The following ZNF469 variants were observed in gnomAD, a reference collection of about 807,000 sequenced individuals.
ZNF469 encodes zinc finger protein 469.
Under a neutral mutation model 1.0 loss-of-function variants are expected in ZNF469, and 1 was observed. The observed-to-expected ratio is 1.00, with a 90% confidence interval of 0.35 to 4.73. The LOEUF is 4.73. ZNF469 is among the 30% of genes most tolerant of loss of function. The probability of loss-of-function intolerance (pLI) is 0.16; values close to 1 mark genes in which losing one functional copy is unlikely to be tolerated. For synonymous variants in ZNF469, 2,703 were observed against 2,363.4 expected (o/e 1.14, Z -4.17); for missense variants, 6,100 against 5,356.3 (o/e 1.14, Z -4.33).
chr16:88,258,393 C>A, the ZNF469 span, among the ~76,000 whole-genome samples: 1 of 152,038 alleles, frequency 6.6e-6, no homozygotes, highest in Non-Finnish European at 1.5e-5. Flanking sequence ...CAGCACAGCT[C>A]AGCAGAGCTG....
the ZNF469 span, among the ~76,000 whole-genome samples, chr16:88,164,302 G>A: frequency 6.6e-6 from 1 of 152,084 alleles, no homozygotes; most frequent in Non-Finnish European, 1.5e-5. Context: ...TGGATGGGTG[G>A]ATGGATGCAG....
At chr16:88,376,576 G>C in the ZNF469 span, among the ~76,000 whole-genome samples, 54 of 152,224 alleles carry the variant, frequency 3.5e-4, no homozygotes, top group Admixed American at 2.6e-3. Flanking sequence ...GCGGCCGGCC[G>C]GTCTCCACCG....
chr16:88,200,092 G>T, the ZNF469 span, among the ~76,000 whole-genome samples: 1 of 151,194 alleles, frequency 6.6e-6, no homozygotes. Flanking sequence ...CCGGGGGGAG[G>T]ATGACAGGTG....
chr16:88,104,755 C>G, the ZNF469 span, among the ~76,000 whole-genome samples: 676 of 152,352 alleles, frequency 4.4e-3, 3 homozygotes, highest in African/African-American at 0.015. Flanking sequence ...CTTCTGTGAT[C>G]CCGTTTTCTG....
At chr16:88,154,093 T>C in the ZNF469 span, among the ~76,000 whole-genome samples, 2 of 152,270 alleles carry the variant, frequency 1.3e-5, no homozygotes, top group Non-Finnish European at 2.9e-5. Context: ...GTCTCCATCA[T>C]GGTGTGTAAT....
the ZNF469 span, among the ~76,000 whole-genome samples, chr16:88,193,327 G>C: frequency 6.6e-6 from 1 of 150,944 alleles, no homozygotes; most frequent in East Asian, 1.9e-4. Flanking sequence ...GATGATGGTG[G>C]TGACGGTGGT....
the ZNF469 span, among the ~76,000 whole-genome samples, chr16:88,354,607 C>A: frequency 8.2e-6 from 1 of 122,076 alleles, no homozygotes; most frequent in Admixed American, 8.8e-5. Context: ...AGGGTGCGTG[C>A]GAAGGCGCTT....
chr16:88,297,554 G>A, the ZNF469 span, among the ~76,000 whole-genome samples: 1 of 152,180 alleles, frequency 6.6e-6, no homozygotes, highest in Non-Finnish European at 1.5e-5. Flanking sequence ...GGAAGCTGTT[G>A]CCATGAGCCC....
chr16:88,432,809 C>T lies in ZNF469; in HGVS notation c.5339C>T (p.Pro1780Leu), dbSNP rs1386947081. The change falls in exon 3 of 3, where the codon CCC becomes CTC. Residue 1780 changes from proline to leucine, a missense_variant. Transcript: ENST00000565624. ...CAGAGAGGAGGGTTCCTCCCAGAGC[C>T]CGGCACAGCAGACCAGCCCCACCGA... ...CEQRGGFLPE[P>L]GTADQPHRGA... The T allele has an allele frequency of 1.3e-6, 2 of 1,550,238 alleles. No homozygotes were observed. Among genetic ancestry groups the T allele is most frequent in the Non-Finnish European group, 1.7e-6 (2 of 1,146,986 alleles).
chr16:88,174,961 T>G, the ZNF469 span, among the ~76,000 whole-genome samples: 1 of 145,520 alleles, frequency 6.9e-6, no homozygotes, highest in African/African-American at 2.5e-5. Flanking sequence ...TGTGTGTGTG[T>G]AAATGAAATT....
chr16:88,120,337 A>C, the ZNF469 span, among the ~76,000 whole-genome samples: 10 of 152,252 alleles, frequency 6.6e-5, no homozygotes, highest in Non-Finnish European at 1.3e-4. Context: ...TGTGTGTTAC[A>C]GAAATGGCAG....
chr16:88,319,484 A>C, the ZNF469 span, among the ~76,000 whole-genome samples: 1 of 151,730 alleles, frequency 6.6e-6, no homozygotes, highest in South Asian at 2.1e-4. Context: ...TCCTGAACAG[A>C]GTGAGCACAG....
At chr16:88,270,716 C>A in the ZNF469 span, among the ~76,000 whole-genome samples, 1 of 152,236 alleles carries the variant, frequency 6.6e-6, no homozygotes, top group Admixed American at 6.5e-5. Flanking sequence ...TTGTTTTTCT[C>A]TTGGCTTTTG....
chr16:88,434,558 C>A lies in ZNF469; in HGVS notation c.7088C>A (p.Pro2363His). 4 of 1,550,352 alleles carry A rather than the reference C, an allele frequency of 2.6e-6. No individual in the cohort carries two copies. Among genetic ancestry groups the A allele is most frequent in the Non-Finnish European group, 3.5e-6 (4 of 1,146,948 alleles). The change falls in exon 3 of 3, where the codon CCC becomes CAC. Residue 2363 changes from proline to histidine, a missense_variant. Coordinates refer to ENST00000565624, the MANE Select transcript of ZNF469 (RefSeq NM_001367624.2). ...PTLQGAGPDSPACLEGEMGTS... is the reference protein window; with the variant it reads ...PTLQGAGPDSHACLEGEMGTS... Reference sequence around the variant, plus strand: ...CTACAGGGTGCAGGGCCGGACTCCCCCGCCTGCCTGGAAGGTGAGATGGGG... The same window carrying A: ...CTACAGGGTGCAGGGCCGGACTCCCACGCCTGCCTGGAAGGTGAGATGGGG...
intron 2 of ZNF469, among the ~76,000 whole-genome samples, chr16:88,427,061 T>C (rs1332727572): frequency 6.7e-6 from 1 of 150,334 alleles, no homozygotes; most frequent in African/African-American, 2.5e-5. Flanking sequence ...CCCAGAAAGC[T>C]CCCCCTCCCT....
the ZNF469 span, among the ~76,000 whole-genome samples, chr16:88,269,900 C>T: frequency 6.6e-6 from 1 of 152,100 alleles, no homozygotes; most frequent in Admixed American, 6.6e-5. Flanking sequence ...AGTCATTCTC[C>T]TGCCCACGCC....
At position 88,428,336 on chromosome 16, in the gene ZNF469, C is replaced by A; in HGVS notation, c.866C>A (p.Pro289His). The A allele has an allele frequency of 1.3e-6, 2 of 1,549,952 alleles. No homozygotes were observed. The highest frequency in any genetic ancestry group is 2.4e-5 in the South Asian group (2 of 84,070). Residue 289 changes from proline (P) to histidine (H), a missense_variant, in exon 3 of 3, where the codon CCT becomes CAT. Coordinates refer to ENST00000565624, the MANE Select transcript of ZNF469 (RefSeq NM_001367624.2). ...ALHGASTKPF[P>H]ADVAGHAFTN... ...CATGGGGCCAGCACAAAACCCTTCCCTGCGGATGTGGCTGGGCACGCATTC... is the reference window on the plus strand; with the variant it reads ...CATGGGGCCAGCACAAAACCCTTCCATGCGGATGTGGCTGGGCACGCATTC...
At chr16:88,111,185 G>A in the ZNF469 span, among the ~76,000 whole-genome samples, 4 of 152,220 alleles carry the variant, frequency 2.6e-5, no homozygotes, top group Non-Finnish European at 5.9e-5. Flanking sequence ...AGAGGCCAGC[G>A]TGAGGAAGGC....
At chr16:88,192,832 GTGATGACAATGATGATAA>G in the ZNF469 span, among the ~76,000 whole-genome samples, 1 of 150,410 alleles carries the variant, frequency 6.6e-6, no homozygotes, top group African/African-American at 2.4e-5. Context: ...GGTGGTGGTG[GTGATGACAATGATGATAA>G]TGATGGTGAT....
Sources: gnomAD v4.1 joint callset for allele counts (sites outside exome capture counted in the v4.1 genomes callset) on GRCh38, gnomAD v4.1.1 for gene constraint, MANE v1.5 for transcripts, NCBI Gene and HGNC (gene_info 2026-07-23, HGNC 2026-07-21) for gene names.